SNTG1: variants seen among roughly 807,000 people sequenced by gnomAD.
SNTG1 encodes the protein syntrophin gamma 1.
Under a neutral mutation model 74.7 loss-of-function variants are expected in SNTG1, and 39 were observed. The ratio of observed to expected loss-of-function variants is 0.52; its 90% confidence interval spans 0.40 to 0.68. The LOEUF (loss-of-function observed/expected upper bound fraction) is 0.68, where lower values mean the gene tolerates loss of function less well. SNTG1 is among the 30% of genes least tolerant of loss of function. SNTG1 has a pLI of 0.00. For synonymous variants in SNTG1, 254 were observed against 217.1 expected (o/e 1.17, Z -1.49); for missense variants, 685 against 609.5 (o/e 1.12, Z -1.30).
At chr8:50,352,264 A>G (rs2091683671) in intron 2 of SNTG1, among the ~76,000 whole-genome samples, 1 of 152,174 alleles carries the variant, frequency 6.6e-6, no homozygotes, top group African/African-American at 2.4e-5. Context: ...AGTTGAACTA[A>G]TGTGTCCCTG....
At chr8:50,365,968 T>C (rs927105337) in intron 2 of SNTG1, among the ~76,000 whole-genome samples, 1 of 152,194 alleles carries the variant, frequency 6.6e-6, no homozygotes, top group Non-Finnish European at 1.5e-5. Flanking sequence ...ATTTCCTACT[T>C]TTCTAAAATA....
intron 15 of SNTG1, among the ~76,000 whole-genome samples, chr8:50,660,030 G>A (rs2095209763): frequency 6.6e-6 from 1 of 152,016 alleles, no homozygotes; most frequent in Non-Finnish European, 1.5e-5. Flanking sequence ...AGTAGAGACA[G>A]GGTTTCCCCA....
At chr8:50,081,343 T>C (rs1822388561) in intron 1 of SNTG1, among the ~76,000 whole-genome samples, 1 of 152,172 alleles carries the variant, frequency 6.6e-6, no homozygotes, top group Non-Finnish European at 1.5e-5. Context: ...CTTTACCAAG[T>C]TTACTCACTT....
intron 13 of SNTG1, among the ~76,000 whole-genome samples, chr8:50,653,652 G>A (rs888758798): frequency 6.6e-5 from 10 of 151,890 alleles, no homozygotes; most frequent in Admixed American, 3.3e-4. Context: ...TTTCACTAAC[G>A]TAGTTACTTT....
intron 1 of SNTG1, among the ~76,000 whole-genome samples, chr8:49,971,001 C>T (rs183232946): frequency 1.3e-4 from 20 of 152,244 alleles, no homozygotes; most frequent in African/African-American, 4.8e-4. Flanking sequence ...AAGAGGGAAT[C>T]CTCCCTAACT....
intron 15 of SNTG1, 96 bp from the exon 16 acceptor site, chr8:50,704,504 T>C: frequency 6.7e-7 from 1 of 1,497,372 alleles, no homozygotes; most frequent in Non-Finnish European, 9.3e-7. Context: ...GTTGTCTTTT[T>C]ACCTGTGGCT....
At chr8:50,692,048 T>A (rs1218915076) in intron 15 of SNTG1, among the ~76,000 whole-genome samples, 1 of 152,242 alleles carries the variant, frequency 6.6e-6, no homozygotes, top group Non-Finnish European at 1.5e-5. Flanking sequence ...CATCAGCTAC[T>A]GAGGCTTCTG....
intron 15 of SNTG1, among the ~76,000 whole-genome samples, chr8:50,691,159 G>A (rs2095377032): frequency 6.6e-6 from 1 of 152,058 alleles, no homozygotes; most frequent in African/African-American, 2.4e-5. Flanking sequence ...CGTGAGATGG[G>A]TTTCCTGAAT....
At chr8:50,693,560 G>C (rs528818125) in intron 15 of SNTG1, among the ~76,000 whole-genome samples, 1 of 152,124 alleles carries the variant, frequency 6.6e-6, no homozygotes, top group African/African-American at 2.4e-5. Context: ...AGATCACCCA[G>C]ACAGAAAATT....
chr8:50,488,558 G>A (rs994812916), intron 8 of SNTG1, among the ~76,000 whole-genome samples: 1 of 152,038 alleles, frequency 6.6e-6, no homozygotes, highest in African/African-American at 2.4e-5. Context: ...TTGCCTATGA[G>A]CACCTCTCAA....
At chr8:49,935,202 A>AGTGT (rs140067006) in intron 1 of SNTG1, among the ~76,000 whole-genome samples, 6,833 of 133,760 alleles carry the variant, frequency 0.051, 129 homozygotes, top group East Asian at 0.1. Context: ...GCCAAGCAGA[A>AGTGT]GTGTGTGTGT....
At chr8:50,382,094 G>C (rs975859403) in intron 2 of SNTG1, 2 of 151,770 alleles carry the variant, frequency 1.3e-5, no homozygotes, top group African/African-American at 2.4e-5. Flanking sequence ...CAGCTGATCA[G>C]ATGGTGCCCA....
intron 13 of SNTG1, among the ~76,000 whole-genome samples, chr8:50,591,376 CT>C (rs1227678796): frequency 6.6e-6 from 1 of 152,082 alleles, no homozygotes; most frequent in Non-Finnish European, 1.5e-5. Flanking sequence ...TTGATATCAA[CT>C]TTGATTTGAA....
At chr8:50,276,405 AT>A (rs1563832850) in intron 2 of SNTG1, among the ~76,000 whole-genome samples, 22 of 124,926 alleles carry the variant, frequency 1.8e-4, no homozygotes, top group African/African-American at 5.0e-4. Context: ...ATATATATAT[AT>A]ATAAATCATA....
intron 2 of SNTG1, among the ~76,000 whole-genome samples, chr8:50,240,299 T>C (rs1024087564): frequency 6.6e-6 from 1 of 152,216 alleles, no homozygotes; most frequent in Admixed American, 6.5e-5. Context: ...GAAGTTGGTT[T>C]TGTATTTTTA....
rs374161336 is a variant in SNTG1 at position 50,402,251 on chromosome 8, G to C, written c.69G>C (p.Glu23Asp). The C allele has an allele frequency of 1.6e-5, 25 of 1,612,038 alleles. No homozygotes were observed. The highest frequency in any genetic ancestry group is 2.0e-5 in the Non-Finnish European group (24 of 1,179,592). The change falls in exon 4 of 19, where the codon GAG becomes GAC. Residue 23 changes from glutamate (E) to aspartate (D), a missense_variant. By Grantham distance (45) the Glu-to-Asp change is conservative. Transcript: ENST00000642720. The stretch of plus-strand genomic sequence containing the variant: ...GTTTGCTGCAGGATGGTAACCAGGA[G>C]CCTTTCAAAGTGCGGCTGCACCTAG... The part of the protein sequence containing the change: ...GICLLQDGNQ[E>D]PFKVRLHLAK...
intron 13 of SNTG1, among the ~76,000 whole-genome samples, chr8:50,593,558 A>G (rs974458857): frequency 6.6e-6 from 1 of 152,236 alleles, no homozygotes; most frequent in Non-Finnish European, 1.5e-5. Context: ...CTACATTTAA[A>G]ATTAGTTAAC....
intron 8 of SNTG1, among the ~76,000 whole-genome samples, chr8:50,467,828 T>C (rs1291041689): frequency 2.0e-5 from 3 of 151,954 alleles, no homozygotes; most frequent in African/African-American, 7.2e-5. Flanking sequence ...ATTGATAAGA[T>C]GTATTTTCAC....
intron 1 of SNTG1, among the ~76,000 whole-genome samples, chr8:50,103,727 T>A (rs1433671901): frequency 6.6e-6 from 1 of 152,284 alleles, no homozygotes; most frequent in African/African-American, 2.4e-5. Context: ...TATTTTGAGA[T>A]ACGTCCCATC....
Sources: gnomAD v4.1 joint callset for allele counts (sites outside exome capture counted in the v4.1 genomes callset) on GRCh38, gnomAD v4.1.1 for gene constraint, MANE v1.5 for transcripts, NCBI Gene and HGNC (gene_info 2026-07-23, HGNC 2026-07-21) for gene names.